The following TRAPPC9 variants were observed in gnomAD, a reference collection of about 807,000 sequenced individuals.
TRAPPC9 encodes trafficking protein particle complex subunit 9.
TRAPPC9 carries 83 observed loss-of-function variants against 124.0 expected under a neutral mutation model. That is an observed-to-expected ratio of 0.67 (90% CI 0.56 to 0.80). TRAPPC9 has a LOEUF of 0.80. Among genes scored for constraint, TRAPPC9 ranks in the 30% least tolerant of loss-of-function variants. The probability of loss-of-function intolerance (pLI) is 0.00; values close to 1 mark genes in which losing one functional copy is unlikely to be tolerated. For synonymous variants in TRAPPC9, 638 were observed against 617.5 expected (o/e 1.03, Z -0.49); for missense variants, 1,302 against 1,508.3 (o/e 0.86, Z 2.27).
chr8:139,994,251 G>A (rs1837828898), intron 18 of TRAPPC9, among the ~76,000 whole-genome samples: 1 of 152,240 alleles, frequency 6.6e-6, no homozygotes, highest in South Asian at 2.1e-4. Flanking sequence ...GTGCGTCGCT[G>A]AGCTGGCGGC....
intron 16 of TRAPPC9, among the ~76,000 whole-genome samples, chr8:140,222,852 A>G (rs903232019): frequency 7.2e-5 from 11 of 152,140 alleles, no homozygotes; most frequent in African/African-American, 2.7e-4. Flanking sequence ...AGAACAAACC[A>G]CCAGAGGCAA....
chr8:139,976,956 G>A (rs913667476), intron 19 of TRAPPC9, among the ~76,000 whole-genome samples: 1 of 152,154 alleles, frequency 6.6e-6, no homozygotes, highest in African/African-American at 2.4e-5. Flanking sequence ...TTCCAATCCT[G>A]CAGGGCCGCG....
At chr8:139,739,845 A>G (rs60443698) in intron 21 of TRAPPC9, among the ~76,000 whole-genome samples, 1,752 of 152,340 alleles carry the variant, frequency 0.012, 25 homozygotes, top group African/African-American at 0.035. Context: ...GGTGTCCCCA[A>G]TACCCAGCAC....
chr8:140,410,255 A>G (rs1168350505), intron 5 of TRAPPC9, among the ~76,000 whole-genome samples: 1 of 151,798 alleles, frequency 6.6e-6, no homozygotes, highest in African/African-American at 2.4e-5. Context: ...TATAGATTTG[A>G]CCAGGCGCAA....
chr8:139,878,222 T>C (rs60924761), intron 21 of TRAPPC9, among the ~76,000 whole-genome samples: 9,879 of 152,204 alleles, frequency 0.065, 538 homozygotes, highest in African/African-American at 0.15. Flanking sequence ...GTTTATAACA[T>C]GGGAAATGCT....
chr8:140,325,209 G>A (rs988201311), intron 9 of TRAPPC9, among the ~76,000 whole-genome samples: 1 of 152,110 alleles, frequency 6.6e-6, no homozygotes, highest in African/African-American at 2.4e-5. Context: ...AGTGCTTAGA[G>A]GGAAATTTAT....
chr8:140,154,470 C>T (rs188573145), intron 17 of TRAPPC9, among the ~76,000 whole-genome samples: 114 of 152,302 alleles, frequency 7.5e-4, no homozygotes, highest in Non-Finnish European at 1.2e-3. Context: ...TGAAAAGGCT[C>T]CCGTTGCTCT....
chr8:140,062,929 A>G (rs1842710947), intron 17 of TRAPPC9, among the ~76,000 whole-genome samples: 1 of 152,158 alleles, frequency 6.6e-6, no homozygotes, highest in Non-Finnish European at 1.5e-5. Flanking sequence ...AAGACTGGGT[A>G]ATTTATAAAG....
intron 19 of TRAPPC9, among the ~76,000 whole-genome samples, chr8:139,965,199 G>A (rs1024875819): frequency 8.5e-5 from 13 of 152,336 alleles, no homozygotes; most frequent in African/African-American, 2.6e-4. Context: ...TCAGCCCCTA[G>A]CACAGTGCTT....
At chr8:139,856,958 A>G (rs1267268648) in intron 21 of TRAPPC9, among the ~76,000 whole-genome samples, 1 of 152,090 alleles carries the variant, frequency 6.6e-6, no homozygotes, top group Non-Finnish European at 1.5e-5. Flanking sequence ...ACTCGGGCAC[A>G]CACCTCTGCT....
chr8:139,897,631 G>C (rs1304641399), intron 20 of TRAPPC9, among the ~76,000 whole-genome samples: 1 of 152,208 alleles, frequency 6.6e-6, no homozygotes, highest in African/African-American at 2.4e-5. Flanking sequence ...AACAACTTCA[G>C]GTTTAGGAAG....
intron 19 of TRAPPC9, among the ~76,000 whole-genome samples, chr8:139,963,610 C>T (rs1442758589): frequency 1.3e-5 from 2 of 151,126 alleles, no homozygotes; most frequent in Non-Finnish European, 3.0e-5. Context: ...AGATGATCTA[C>T]CAGGAAATGT....
At position 140,267,917 on chromosome 8, in the gene TRAPPC9, C is replaced by T. The variant is rs181693255; in HGVS notation, c.2278+7741G>A. On this transcript the variant is annotated intron_variant, in intron 15 of 22. Coordinates refer to ENST00000438773, the MANE Select transcript of TRAPPC9 (RefSeq NM_001160372.4). ...TCCTGGCCTTGTGATCCACCTGCCT[C>T]GGCCTCCCAAAGTGCTGGAATTACA... is the stretch of plus-strand genomic sequence containing the variant. Among the ~76,000 whole-genome samples the T allele has an allele frequency of 2.0e-5, 3 of 152,230 alleles. No individual in the cohort carries two copies. The East Asian group carries it at 5.8e-4, about 29-fold the overall frequency.
intron 21 of TRAPPC9, among the ~76,000 whole-genome samples, chr8:139,867,948 T>C (rs1345614409): frequency 6.6e-6 from 1 of 152,234 alleles, no homozygotes. Flanking sequence ...CATATATCAA[T>C]ATTCATTTCC....
rs550475743 is a variant in TRAPPC9, at chr8:140,300,397, T to C, written c.1768+72A>G. On this transcript the variant is annotated intron_variant, in intron 11 of 22. Coordinates refer to ENST00000438773, the MANE Select transcript of TRAPPC9 (RefSeq NM_001160372.4). The stretch of plus-strand genomic sequence containing the variant: ...TGCATGAACTGGCTCAAAATGCTGT[T>C]CTAAAAATCTAGAAAAGCCATTGGA... The C allele has an allele frequency of 4.1e-5, 65 of 1,603,498 alleles. 1 individual carries two copies. The highest frequency in any genetic ancestry group is 9.4e-6 in the Non-Finnish European group (11 of 1,171,112).
chr8:139,955,450 A>G (rs887054327), intron 19 of TRAPPC9, among the ~76,000 whole-genome samples: 2 of 151,978 alleles, frequency 1.3e-5, no homozygotes, highest in African/African-American at 4.8e-5. Context: ...TCAAGCGCCC[A>G]CGTTCAGCAT....
rs185332799 is a variant in TRAPPC9 at position 140,388,619 on chromosome 8, G to A, written c.1134+9001C>T. On this transcript the variant is annotated intron_variant, in intron 7 of 22. Coordinates refer to ENST00000438773, the MANE Select transcript of TRAPPC9 (RefSeq NM_001160372.4). ...AATCGCTTGAACCCAGGAGGCAGAG[G>A]CTGTGGTGAGCTGAGATCACACCAT... Among the ~76,000 whole-genome samples, 308 of 152,066 alleles carry A rather than the reference G, an allele frequency of 2.0e-3. 1 individual carries two copies. Among genetic ancestry groups the A allele is most frequent in the Non-Finnish European group, 3.8e-3 (255 of 67,990 alleles).
Position 139,815,437 on chromosome 8 carries a change from G to A in TRAPPC9, c.3055+70442C>T, listed in dbSNP as rs564247726. Among the ~76,000 whole-genome samples, 154 of 150,530 alleles carry A rather than the reference G, an allele frequency of 1.0e-3. 1 individual carries two copies. The highest frequency in any genetic ancestry group is 3.6e-3 in the African/African-American group (147 of 40,672). On this transcript the variant is annotated intron_variant, in intron 21 of 22. Transcript: ENST00000438773. Reference sequence around the variant, plus strand: ...CCGTCTCGCTCTGTCACCCAGGCTGGAGTGCAGTGGTGTGATCTCAGCTCA... The same window carrying A: ...CCGTCTCGCTCTGTCACCCAGGCTGAAGTGCAGTGGTGTGATCTCAGCTCA...
intron 9 of TRAPPC9, among the ~76,000 whole-genome samples, chr8:140,330,669 T>C (rs2131998061): frequency 6.6e-6 from 1 of 152,356 alleles, no homozygotes; most frequent in African/African-American, 2.4e-5. Flanking sequence ...GAAAAATTTT[T>C]AACATCTCTA....
Sources: gnomAD v4.1 joint callset for allele counts (sites outside exome capture counted in the v4.1 genomes callset) on GRCh38, gnomAD v4.1.1 for gene constraint, MANE v1.5 for transcripts, NCBI Gene and HGNC (gene_info 2026-07-23, HGNC 2026-07-21) for gene names.